Variants in PPFIA2 observed in about 807,000 individuals in gnomAD.
The protein encoded by PPFIA2 is PPFI scaffold protein A2, also known as liprin-alpha-2.
A neutral mutation model predicts 175.5 loss-of-function variants in PPFIA2; 46 were observed. That is an observed-to-expected ratio of 0.26 (90% CI 0.21 to 0.34). The LOEUF (loss-of-function observed/expected upper bound fraction) is 0.34. PPFIA2 is among the 10% of genes least tolerant of loss of function. PPFIA2 has a pLI of 1.00. For missense variants in PPFIA2, 1,179 were observed against 1,506.1 expected (o/e 0.78, Z 3.60); for synonymous variants, 568 against 511.4 (o/e 1.11, Z -1.49).
At chr12:81,598,951 T>C (rs993789420) in intron 4 of PPFIA2, among the ~76,000 whole-genome samples, 5 of 152,026 alleles carry the variant, frequency 3.3e-5, no homozygotes, top group African/African-American at 1.2e-4. Flanking sequence ...CATATACATA[T>C]ATACACACAA....
intron 13 of PPFIA2, 66 bp from the exon 14 acceptor site, chr12:81,367,236 T>C (rs1373054367): frequency 2.0e-6 from 2 of 1,025,336 alleles, no homozygotes; most frequent in Non-Finnish European, 2.6e-6. Flanking sequence ...AATATATTGA[T>C]TAATATCTTA....
At chr12:81,477,815 T>C (rs1162457001) in intron 4 of PPFIA2, among the ~76,000 whole-genome samples, 2 of 152,152 alleles carry the variant, frequency 1.3e-5, no homozygotes, top group Non-Finnish European at 2.9e-5. Context: ...CAGTATTTTA[T>C]TGAGGATTTT....
Position 81,368,753 on chromosome 12 carries a change from T to G in PPFIA2, c.1454A>C (p.Lys485Thr). 6.2e-7 allele frequency: 1 copy of G among 1,609,668 alleles called. No homozygotes were observed. Among genetic ancestry groups the G allele is most frequent in the Non-Finnish European group, 8.5e-7 (1 of 1,177,540 alleles). ...ESNERLQLHL[K>T]ERMAALEEKN... is the part of the protein sequence containing the mutation. ...TTCTTCTAGAGCAGCCATTCTTTCC[T>G]TTAAGTGTAGTTGTAGGCGTTCATT... Residue 485 changes from lysine to threonine, a missense_variant, in exon 13 of 33, where the codon AAG (lysine) becomes ACG (threonine). By Grantham distance (78) the Lys-to-Thr change is moderately conservative. Around this residue, in one of 10 missense-constraint regions of PPFIA2, gnomAD observed 66 missense variants for 129.4 expected, o/e 0.51. Transcript: ENST00000549396.
In PPFIA2 at chr12:81,259,509, A is replaced by C; in HGVS notation, c.*185T>G. ...AATTTGTAGTAAACTAATCAAATGT[A>C]ATATCTGACTCCCCCCAAAAATCAC... On this transcript the variant is annotated 3_prime_UTR_variant, in exon 33 of 33. Transcript: ENST00000549396. 1.2e-6 allele frequency: 1 copy of C among 837,602 alleles called. No homozygotes were observed. Among genetic ancestry groups the C allele is most frequent in the Non-Finnish European group, 1.9e-6 (1 of 526,586 alleles). 51.9% of individuals were successfully genotyped at this position (837,602 alleles called of 1,614,324 possible). A position where few individuals can be genotyped will look rare whatever the true frequency, so the allele number is the denominator to read the frequency against.
intron 4 of PPFIA2, among the ~76,000 whole-genome samples, chr12:81,592,381 T>G (rs1463185317): frequency 6.6e-6 from 1 of 152,110 alleles, no homozygotes; most frequent in Non-Finnish European, 1.5e-5. Flanking sequence ...ATGATTGGTT[T>G]TAAAATGTGA....
At chr12:81,466,956 T>A (rs2055773812) in intron 4 of PPFIA2, among the ~76,000 whole-genome samples, 2 of 148,580 alleles carry the variant, frequency 1.3e-5, no homozygotes, top group South Asian at 2.1e-4. Context: ...ATATATATAT[T>A]AAAAACCATG....
intron 7 of PPFIA2, among the ~76,000 whole-genome samples, chr12:81,436,126 A>G (rs146363922): frequency 1.2e-4 from 18 of 151,312 alleles, no homozygotes; most frequent in Admixed American, 8.6e-4. Context: ...AAGAATACAA[A>G]AAAAATTGGC....
At chr12:81,740,152 G>A (rs1300256117) in intron 3 of PPFIA2, among the ~76,000 whole-genome samples, 1 of 152,112 alleles carries the variant, frequency 6.6e-6, no homozygotes, top group Non-Finnish European at 1.5e-5. Flanking sequence ...GAAATTGCCA[G>A]TCATTCAGAA....
chr12:81,339,557 G>A (rs1235746639), intron 20 of PPFIA2, among the ~76,000 whole-genome samples: 1 of 151,556 alleles, frequency 6.6e-6, no homozygotes, highest in Non-Finnish European at 1.5e-5. Flanking sequence ...TGCTCCGAAT[G>A]TCTTTTTTTC....
intron 8 of PPFIA2, among the ~76,000 whole-genome samples, chr12:81,400,444 A>G (rs1488610771): frequency 6.6e-6 from 1 of 152,134 alleles, no homozygotes; most frequent in East Asian, 1.9e-4. Flanking sequence ...TCTATAATAA[A>G]AATACTAGAC....
intron 28 of PPFIA2, among the ~76,000 whole-genome samples, chr12:81,271,325 C>CAAT (rs2039033532): frequency 6.6e-6 from 1 of 152,256 alleles, no homozygotes; most frequent in African/African-American, 2.4e-5. Context: ...GGCTGGAGTG[C>CAAT]AATGGCATGA....
At chr12:81,566,238 T>A (rs1313246052) in intron 4 of PPFIA2, among the ~76,000 whole-genome samples, 1 of 152,092 alleles carries the variant, frequency 6.6e-6, no homozygotes, top group Non-Finnish European at 1.5e-5. Flanking sequence ...TACATGTACG[T>A]TTTGGCCGGG....
At chr12:81,323,512 G>A (rs1445713945) in intron 22 of PPFIA2, among the ~76,000 whole-genome samples, 2 of 151,264 alleles carry the variant, frequency 1.3e-5, no homozygotes, top group Admixed American at 6.6e-5. Context: ...ACATGAAATC[G>A]GAACCCAGAA....
chr12:81,454,431 T>C (rs1399080920), intron 5 of PPFIA2, among the ~76,000 whole-genome samples: 1 of 152,114 alleles, frequency 6.6e-6, no homozygotes, highest in African/African-American at 2.4e-5. Context: ...ACTACCTTAG[T>C]TTTCTCTTGA....
intron 21 of PPFIA2, among the ~76,000 whole-genome samples, chr12:81,332,495 T>C (rs1037159824): frequency 2.6e-5 from 4 of 152,150 alleles, no homozygotes; most frequent in Non-Finnish European, 5.9e-5. Flanking sequence ...ATCAAACATA[T>C]ACAGGGAGAG....
chr12:81,317,185 G>C (rs1252761646), intron 22 of PPFIA2, among the ~76,000 whole-genome samples: 1 of 151,514 alleles, frequency 6.6e-6, no homozygotes, highest in African/African-American at 2.4e-5. Flanking sequence ...ACACAAGGAG[G>C]TAAGAGTAAT....
intron 4 of PPFIA2, among the ~76,000 whole-genome samples, chr12:81,646,320 A>AT (rs2066064394): frequency 6.6e-6 from 1 of 152,124 alleles, no homozygotes; most frequent in African/African-American, 2.4e-5. Flanking sequence ...AGAAAACTTG[A>AT]TTGCACCCTA....
chr12:81,614,097 A>G (rs1378879432), intron 4 of PPFIA2, among the ~76,000 whole-genome samples: 1 of 152,098 alleles, frequency 6.6e-6, no homozygotes, highest in Non-Finnish European at 1.5e-5. Context: ...TGTTTTAAAA[A>G]AAGATTTTTA....
chr12:81,654,014 G>C (rs1399195363), intron 4 of PPFIA2, among the ~76,000 whole-genome samples: 5 of 151,446 alleles, frequency 3.3e-5, no homozygotes, highest in Admixed American at 3.3e-4. Flanking sequence ...TAAGAATATG[G>C]GAACATTTCT....
Sources: gnomAD v4.1 joint callset for allele counts (sites outside exome capture counted in the v4.1 genomes callset) on GRCh38, gnomAD v4.1.1 for gene constraint, gnomAD v4.1.1 regional missense constraint, MANE v1.5 for transcripts, NCBI Gene and HGNC (gene_info 2026-07-23, HGNC 2026-07-21) for gene names.